Variants in MYO5B observed in about 807,000 individuals in gnomAD.
MYO5B encodes myosin VB.
MYO5B carries 143 observed loss-of-function variants against 229.3 expected under a neutral mutation model. The ratio of observed to expected loss-of-function variants is 0.62; its 90% confidence interval spans 0.54 to 0.72. The LOEUF is 0.72. MYO5B is among the 30% of genes least tolerant of loss of function. The pLI is 0.00. For missense variants in MYO5B, 2,321 were observed against 2,331.0 expected (o/e 1.00, Z 0.09); for synonymous variants, 918 against 885.2 (o/e 1.04, Z -0.66).
rs1429740260 is a variant in MYO5B, at chr18:49,836,720, G to A, written c.5304C>T (p.Ser1768=). ...TGCAAAGTGACTGTACCTGCTGGGT[G>A]CTGAGGGAGGTACACAGGGAGCAGA... ...EAICSLCTSL[S]TQQIVKILNL... is the part of the protein sequence containing the mutation. The change falls in exon 38 of 40, where the codon AGC becomes AGT. Residue 1768 remains serine, a synonymous_variant. Coordinates refer to ENST00000285039, the MANE Select transcript of MYO5B (RefSeq NM_001080467.3). The A allele has an allele frequency of 1.2e-6, 2 of 1,614,054 alleles. No individual in the cohort carries two copies. The highest frequency in any genetic ancestry group is 1.7e-6 in the Non-Finnish European group (2 of 1,179,932).
At chr18:49,855,232 T>C (rs750625305) in intron 30 of MYO5B, among the ~76,000 whole-genome samples, 5 of 152,226 alleles carry the variant, frequency 3.3e-5, no homozygotes, top group Non-Finnish European at 4.4e-5. Flanking sequence ...TCACTGTTCA[T>C]GTCTTATTCT....
chr18:50,037,956 T>G (rs1366861714), intron 3 of MYO5B, among the ~76,000 whole-genome samples: 1 of 152,206 alleles, frequency 6.6e-6, no homozygotes, highest in Non-Finnish European at 1.5e-5. Context: ...TTGCTATTTT[T>G]TATTACACCA....
chr18:49,903,287 C>G (rs2024864682), intron 20 of MYO5B, among the ~76,000 whole-genome samples: 1 of 151,422 alleles, frequency 6.6e-6, no homozygotes, highest in African/African-American at 2.4e-5. Flanking sequence ...TTTTTTCTAC[C>G]AAGTTAAAAA....
At chr18:49,942,207 A>C (rs1460774785) in intron 14 of MYO5B, among the ~76,000 whole-genome samples, 6 of 151,332 alleles carry the variant, frequency 4.0e-5, no homozygotes, top group Admixed American at 3.3e-4. Flanking sequence ...TAAAGACTTA[A>C]ATGTTAGACC....
intron 21 of MYO5B, among the ~76,000 whole-genome samples, chr18:49,901,339 C>T (rs1184762236): frequency 6.6e-6 from 1 of 152,188 alleles, no homozygotes; most frequent in Admixed American, 6.5e-5. Context: ...ATGTGAGCCT[C>T]GTCTATTCCA....
At chr18:49,954,195 C>T (rs2144246502) in intron 13 of MYO5B, 118 bp downstream of exon 13, 2 of 1,479,864 alleles carry the variant, frequency 1.4e-6, no homozygotes, top group Non-Finnish European at 1.9e-6. Context: ...GGGAACCTAG[C>T]TGAGGCTTCA....
At chr18:49,871,728 C>A in intron 27 of MYO5B, 1 of 250,214 alleles carries the variant, frequency 4.0e-6, no homozygotes, top group South Asian at 5.7e-5. Context: ...CACATTACCA[C>A]GTCTTTGAGG....
Position 49,895,187 on chromosome 18 carries a change from T to C in MYO5B, c.2812-13A>G, listed in dbSNP as rs1303096878. The C allele has an allele frequency of 1.9e-6, 3 of 1,599,850 alleles. No homozygotes were observed. Among genetic ancestry groups the C allele is most frequent in the South Asian group, 1.1e-5 (1 of 90,824 alleles). Reference sequence around the variant, plus strand: ...TGAACTCTTTGTTCTGTGGAGAACATCAGCAAACAAGGAGAAGGGAGAAGA... The same window carrying C: ...TGAACTCTTTGTTCTGTGGAGAACACCAGCAAACAAGGAGAAGGGAGAAGA... On this transcript the variant is annotated splice_polypyrimidine_tract_variant and intron_variant, in intron 21 of 39. Coordinates refer to ENST00000285039, the MANE Select transcript of MYO5B (RefSeq NM_001080467.3).
intron 31 of MYO5B, among the ~76,000 whole-genome samples, chr18:49,853,248 G>A (rs2024222595): frequency 6.6e-6 from 1 of 152,184 alleles, no homozygotes; most frequent in South Asian, 2.1e-4. Context: ...CCAACGACAA[G>A]GCCCCAGACA....
chr18:49,908,292 C>G (rs879100151), intron 18 of MYO5B, among the ~76,000 whole-genome samples: 1 of 152,228 alleles, frequency 6.6e-6, no homozygotes. Context: ...TCCAGAACAT[C>G]TCCCACCCAG....
At chr18:50,067,365 T>A (rs1422706823) in intron 1 of MYO5B, among the ~76,000 whole-genome samples, 2 of 152,166 alleles carry the variant, frequency 1.3e-5, no homozygotes, top group Non-Finnish European at 2.9e-5. Flanking sequence ...CCTGCTGCCT[T>A]CCTTCAACCC....
intron 22 of MYO5B, among the ~76,000 whole-genome samples, chr18:49,882,018 C>T (rs773598330): frequency 1.3e-5 from 2 of 152,142 alleles, no homozygotes; most frequent in African/African-American, 4.8e-5. Context: ...GGATCCCCTA[C>T]AGATTCATTC....
At chr18:49,991,264 T>C (rs1016386194) in intron 6 of MYO5B, among the ~76,000 whole-genome samples, 1 of 152,172 alleles carries the variant, frequency 6.6e-6, no homozygotes, top group Non-Finnish European at 1.5e-5. Flanking sequence ...ATTCATTAGA[T>C]GTTTGCTATC....
intron 10 of MYO5B, among the ~76,000 whole-genome samples, chr18:49,971,607 C>T (rs1443385533): frequency 3.3e-5 from 5 of 152,218 alleles, no homozygotes; most frequent in Non-Finnish European, 7.3e-5. Context: ...TACATACCCT[C>T]TCACCAGAAA....
At chr18:49,929,643 G>C (rs2025168248) in intron 16 of MYO5B, 45 bp from the exon 17 acceptor site, 1 of 1,506,550 alleles carries the variant, frequency 6.6e-7, no homozygotes, top group African/African-American at 1.4e-5. Context: ...CAAGAGATGA[G>C]TGGCCACATT....
intron 1 of MYO5B, among the ~76,000 whole-genome samples, chr18:50,135,951 G>A (rs965948557): frequency 7.9e-5 from 12 of 152,170 alleles, no homozygotes; most frequent in Admixed American, 3.3e-4. Context: ...ACAAAAACTC[G>A]TGAGACAGAG....
chr18:49,953,896 G>A (rs1196022684), intron 13 of MYO5B, among the ~76,000 whole-genome samples: 11 of 23,756 alleles, frequency 4.6e-4, no homozygotes, highest in African/African-American at 1.2e-3. Flanking sequence ...ATACATATAT[G>A]TGTGTGTGTG....
intron 2 of MYO5B, among the ~76,000 whole-genome samples, chr18:50,054,895 C>A (rs555836725): frequency 9.2e-5 from 14 of 152,082 alleles, no homozygotes; most frequent in Non-Finnish European, 2.1e-4. Context: ...GAGCCAGGAT[C>A]CCAACCCAGG....
At chr18:50,143,157 A>C (rs199569895) in intron 1 of MYO5B, among the ~76,000 whole-genome samples, 1 of 152,232 alleles carries the variant, frequency 6.6e-6, no homozygotes, top group East Asian at 1.9e-4. Context: ...TCTAACCCTG[A>C]GCACTGCACA....
Sources: gnomAD v4.1 joint callset for allele counts (sites outside exome capture counted in the v4.1 genomes callset) on GRCh38, gnomAD v4.1.1 for gene constraint, MANE v1.5 for transcripts, NCBI Gene and HGNC (gene_info 2026-07-23, HGNC 2026-07-21) for gene names.